MAST4: variants seen among roughly 807,000 people sequenced by gnomAD.
MAST4 encodes the protein microtubule associated serine/threonine kinase family member 4.
Under a neutral mutation model 162.7 loss-of-function variants are expected in MAST4, and 89 were observed. The observed-to-expected ratio is 0.55, with a 90% confidence interval of 0.46 to 0.65. The LOEUF (loss-of-function observed/expected upper bound fraction) is 0.65. MAST4 is among the 30% of genes least tolerant of loss of function. The pLI is 0.00. For missense variants in MAST4, 3,153 were observed against 3,374.0 expected, an observed-to-expected ratio of 0.93 and a Z score of 1.62; for synonymous variants, 1,479 against 1,361.1, an observed-to-expected ratio of 1.09 and a Z score of -1.91.
At chr5:66,747,790 T>C in intron 1 of MAST4, among the ~76,000 whole-genome samples, 1 of 152,150 alleles carries the variant, frequency 6.6e-6, no homozygotes, top group East Asian at 1.9e-4. Context: ...TGGGAAGCTG[T>C]CCCGTGCATT....
intron 3 of MAST4, among the ~76,000 whole-genome samples, chr5:66,811,921 G>A (rs1468441312): frequency 1.2e-4 from 18 of 152,206 alleles, no homozygotes; most frequent in Admixed American, 1.1e-3. Context: ...CTGGAATTGT[G>A]TACCTAGGCT....
chr5:67,073,538 T>C (rs1011344086), intron 5 of MAST4, among the ~76,000 whole-genome samples: 1 of 152,182 alleles, frequency 6.6e-6, no homozygotes, highest in Non-Finnish European at 1.5e-5. Flanking sequence ...ATGCTTACAG[T>C]GGTAACTTGA....
chr5:66,915,109 C>CA (rs1644088922), intron 4 of MAST4, among the ~76,000 whole-genome samples: 2 of 151,758 alleles, frequency 1.3e-5, no homozygotes, highest in African/African-American at 2.4e-5. Flanking sequence ...CCTAAAAATA[C>CA]AAAAATTAGC....
chr5:66,862,271 A>G (rs1760174112), intron 3 of MAST4, among the ~76,000 whole-genome samples: 1 of 152,332 alleles, frequency 6.6e-6, no homozygotes, highest in Non-Finnish European at 1.5e-5. Context: ...CAAATTTCCC[A>G]GTGGAAAATT....
chr5:66,616,625 T>C (rs1239584166), intron 1 of MAST4, among the ~76,000 whole-genome samples: 1 of 152,008 alleles, frequency 6.6e-6, no homozygotes, highest in African/African-American at 2.4e-5. Context: ...ACTGACAAGT[T>C]CTGTAGAACC....
At chr5:66,642,683 AGAATAGCTAGGTATAATTAT>A (rs1472003296) in intron 1 of MAST4, among the ~76,000 whole-genome samples, 5 of 152,194 alleles carry the variant, frequency 3.3e-5, no homozygotes, top group African/African-American at 1.2e-4. Context: ...ACCCCCATCA[AGAATAGCTAGGTATAATTAT>A]GATGTCATTA....
chr5:66,779,094 A>C (rs1426165759), intron 2 of MAST4, among the ~76,000 whole-genome samples: 1 of 152,244 alleles, frequency 6.6e-6, no homozygotes, highest in Non-Finnish European at 1.5e-5. Flanking sequence ...TTCTATGTTA[A>C]GTATGGAATG....
At chr5:67,000,003 G>A (rs535999821) in intron 4 of MAST4, among the ~76,000 whole-genome samples, 5 of 152,256 alleles carry the variant, frequency 3.3e-5, no homozygotes, top group Middle Eastern at 3.4e-3. Context: ...TCCCATTTCT[G>A]TCCCAGTATT....
At chr5:67,136,455 G>A in intron 18 of MAST4, 108 bp from the exon 19 acceptor site, 2 of 740,638 alleles carry the variant, frequency 2.7e-6, no homozygotes, top group Non-Finnish European at 4.7e-6. Context: ...GGTCCGGAGT[G>A]GGCCTGAAAT....
chr5:66,934,881 A>G (rs1742563809), intron 4 of MAST4, among the ~76,000 whole-genome samples: 1 of 152,182 alleles, frequency 6.6e-6, no homozygotes, highest in Non-Finnish European at 1.5e-5. Flanking sequence ...GGTACTCTTT[A>G]CTGGGTGATT....
At chr5:66,902,386 A>AT (rs1203993370) in intron 4 of MAST4, among the ~76,000 whole-genome samples, 1 of 152,146 alleles carries the variant, frequency 6.6e-6, no homozygotes, top group South Asian at 2.1e-4. Context: ...GGTTTTCCAA[A>AT]TTTTTTTGAA....
At chr5:67,090,135 A>G in intron 5 of MAST4, 27 bp from the exon 6 acceptor site, 1 of 1,501,422 alleles carries the variant, frequency 6.7e-7, no homozygotes, top group Non-Finnish European at 9.3e-7. Context: ...ATCATGTAGT[A>G]AATTTCTCTC....
rs1054562890 is a variant in MAST4, at chr5:67,053,405, T to G, written c.675-999T>G. 2.6e-5 allele frequency among the ~76,000 whole-genome samples: 4 copies of G among 152,172 alleles called. No individual in the cohort carries two copies. In the East Asian group the frequency reaches 7.7e-4, roughly 29 times the overall value. On this transcript the variant is annotated intron_variant, in intron 4 of 28. Transcript: ENST00000403625. ...GTTCTGTCCTGCACTAAGAAGGCAT[T>G]GCAATAAACTCCTAATGGTGGTTGA...
chr5:66,821,803 T>C (rs957987220), intron 3 of MAST4, among the ~76,000 whole-genome samples: 3 of 152,074 alleles, frequency 2.0e-5, no homozygotes, highest in Admixed American at 1.3e-4. Flanking sequence ...GCCTTGAGCA[T>C]GTTCAGGGCA....
chr5:66,852,819 C>T (rs1191130649), intron 3 of MAST4, among the ~76,000 whole-genome samples: 1 of 152,194 alleles, frequency 6.6e-6, no homozygotes, highest in Admixed American at 6.5e-5. Flanking sequence ...GAAATGTAAA[C>T]TATCTTCCCT....
intron 3 of MAST4, among the ~76,000 whole-genome samples, chr5:66,868,565 G>A (rs546737717): frequency 3.7e-4 from 56 of 149,848 alleles, no homozygotes; most frequent in African/African-American, 1.3e-3. Context: ...TAAGGTATCA[G>A]TCACATGGAG....
intron 12 of MAST4, among the ~76,000 whole-genome samples, chr5:67,116,880 C>T (rs1044799802): frequency 1.3e-5 from 2 of 152,054 alleles, no homozygotes; most frequent in African/African-American, 2.4e-5. Context: ...TTCTTGTCAG[C>T]GTCTAAACTA....
chr5:66,814,725 G>C (rs1194511832), intron 3 of MAST4, among the ~76,000 whole-genome samples: 1 of 152,198 alleles, frequency 6.6e-6, no homozygotes, highest in Non-Finnish European at 1.5e-5. Context: ...AAGGTGATTT[G>C]CTAAGTCAAC....
At chr5:66,905,528 A>T (rs977832177) in intron 4 of MAST4, among the ~76,000 whole-genome samples, 1 of 152,130 alleles carries the variant, frequency 6.6e-6, no homozygotes, top group Admixed American at 6.5e-5. Flanking sequence ...CTCATTATAG[A>T]GTTTGTCAAT....
Sources: gnomAD v4.1 joint callset for allele counts (sites outside exome capture counted in the v4.1 genomes callset) on GRCh38, gnomAD v4.1.1 for gene constraint, MANE v1.5 for transcripts, NCBI Gene and HGNC (gene_info 2026-07-23, HGNC 2026-07-21) for gene names.